The following DNAH6 variants were observed in gnomAD, a reference collection of about 807,000 sequenced individuals.
The protein encoded by DNAH6 is dynein axonemal heavy chain 6.
Under a neutral mutation model 491.4 loss-of-function variants are expected in DNAH6, and 340 were observed. The ratio of observed to expected loss-of-function variants is 0.69; its 90% CI spans 0.63 to 0.76. DNAH6 has a LOEUF of 0.76. DNAH6 is among the 30% of genes least tolerant of loss of function. DNAH6 has a pLI of 0.00. For missense variants in DNAH6, 4,443 were observed against 4,972.2 expected, an observed-to-expected ratio of 0.89 and a Z score of 3.20; for synonymous variants, 1,603 against 1,686.1, an observed-to-expected ratio of 0.95 and a Z score of 1.21.
chr2:84,609,098 A>C (rs1020567686), intron 21 of DNAH6, among the ~76,000 whole-genome samples: 1 of 152,162 alleles, frequency 6.6e-6, no homozygotes, highest in Non-Finnish European at 1.5e-5. Flanking sequence ...TTTAAAATTG[A>C]AAAGAGTTAG....
chr2:84,753,088 C>T (rs1256252555), intron 63 of DNAH6, among the ~76,000 whole-genome samples: 2 of 152,146 alleles, frequency 1.3e-5, no homozygotes, highest in East Asian at 3.8e-4. Context: ...TTATTATAGC[C>T]ATCCTAGTGG....
chr2:84,554,698 C>G (rs74883954), intron 10 of DNAH6, among the ~76,000 whole-genome samples: 4 of 152,340 alleles, frequency 2.6e-5, no homozygotes, highest in Non-Finnish European at 5.9e-5. Context: ...TTTACAATGA[C>G]AAGCAGACTA....
At chr2:84,792,508 C>T (rs566010047) in intron 68 of DNAH6, among the ~76,000 whole-genome samples, 12 of 152,186 alleles carry the variant, frequency 7.9e-5, no homozygotes, top group Admixed American at 7.2e-4. Flanking sequence ...AGGTTGTATA[C>T]ATTAATTATG....
At chr2:84,463,920 G>A in the DNAH6 span, among the ~76,000 whole-genome samples, 3 of 152,248 alleles carry the variant, frequency 2.0e-5, no homozygotes, top group East Asian at 3.9e-4. Flanking sequence ...CTGCCTATTC[G>A]ATAAATTTTG....
chr2:84,591,073 G>A (rs2104126301), intron 16 of DNAH6, among the ~76,000 whole-genome samples: 1 of 152,276 alleles, frequency 6.6e-6, no homozygotes, highest in South Asian at 2.1e-4. Context: ...CCTGGACAGG[G>A]GAAGATTTGA....
chr2:84,729,532 A>T (rs181671277), intron 61 of DNAH6, among the ~76,000 whole-genome samples: 1 of 152,318 alleles, frequency 6.6e-6, no homozygotes, highest in Admixed American at 6.5e-5. Context: ...TTCCAAAATC[A>T]CAATAATGCA....
At chr2:84,737,746 T>C (rs934170287) in intron 62 of DNAH6, among the ~76,000 whole-genome samples, 4 of 152,050 alleles carry the variant, frequency 2.6e-5, no homozygotes, top group Non-Finnish European at 5.9e-5. Flanking sequence ...TAGCTTATGG[T>C]CTATCAATCT....
intron 34 of DNAH6, among the ~76,000 whole-genome samples, chr2:84,654,380 A>G (rs1357171052): frequency 6.6e-6 from 1 of 152,130 alleles, no homozygotes; most frequent in Non-Finnish European, 1.5e-5. Flanking sequence ...ACAGGAGAAA[A>G]GAGAAAAGCA....
chr2:84,770,824 AAT>A (rs200326557), intron 64 of DNAH6, among the ~76,000 whole-genome samples: 2 of 145,906 alleles, frequency 1.4e-5, no homozygotes, highest in Non-Finnish European at 1.5e-5. Context: ...CTCTACAAAA[AAT>A]AATAATAATA....
chr2:84,775,510 G>A (rs1321460007), intron 64 of DNAH6, among the ~76,000 whole-genome samples: 1 of 152,130 alleles, frequency 6.6e-6, no homozygotes, highest in Admixed American at 6.5e-5. Context: ...GTATCAGGAT[G>A]ATGCTGACTT....
Position 84,537,747 on chromosome 2 carries a change from G to C in DNAH6, c.663-6486G>C, listed in dbSNP as rs78412079. On this transcript the variant is annotated intron_variant, in intron 4 of 76. Transcript: ENST00000389394. ...AAGTTCTCTCCCTAGTAGATGGTAGGTGTTTTTCATATCTACGTAACCCTT... is the reference window on the plus strand; with the variant it reads ...AAGTTCTCTCCCTAGTAGATGGTAGCTGTTTTTCATATCTACGTAACCCTT... Among the ~76,000 whole-genome samples the C allele has an allele frequency of 2.0e-3, 309 of 152,124 alleles. 4 individuals are homozygous for C. The East Asian group carries it at 0.044, about 22-fold the overall frequency.
At chr2:84,708,824 T>G (rs1452540845) in intron 54 of DNAH6, among the ~76,000 whole-genome samples, 1 of 152,196 alleles carries the variant, frequency 6.6e-6, no homozygotes, top group African/African-American at 2.4e-5. Flanking sequence ...ATATAGACTC[T>G]CCAGGAGCTC....
At chr2:84,810,777 G>A (rs538293965) in intron 72 of DNAH6, among the ~76,000 whole-genome samples, 64 of 152,300 alleles carry the variant, frequency 4.2e-4, no homozygotes, top group Non-Finnish European at 7.9e-4. Flanking sequence ...GGAGTGACAA[G>A]GCCACCCTGT....
At chr2:84,524,424 G>T (rs1284164823) in intron 2 of DNAH6, among the ~76,000 whole-genome samples, 16 of 151,498 alleles carry the variant, frequency 1.1e-4, no homozygotes, top group African/African-American at 3.4e-4. Flanking sequence ...AGGTTATTTA[G>T]CCCATTTACA....
At position 84,550,000 on chromosome 2, in the gene DNAH6, A is replaced by G. The variant is rs2104552651; in HGVS notation, c.1428A>G (p.Ser476=). ...CTGACAAGCTAAAACGAACACCTTCAGCAGATGTCATTCAGAAATGGATTA... is the reference window on the plus strand; with the variant it reads ...CTGACAAGCTAAAACGAACACCTTCGGCAGATGTCATTCAGAAATGGATTA... ...HLTDKLKRTP[S]ADVIQKWITE... Residue 476 remains serine, a synonymous_variant, in exon 9 of 77, where the codon TCA becomes TCG. Coordinates refer to ENST00000389394, the MANE Select transcript of DNAH6 (RefSeq NM_001370.2). 1 of 1,614,080 alleles carries G rather than the reference A, an allele frequency of 6.2e-7. No homozygotes were observed. The highest frequency in any genetic ancestry group is 8.5e-7 in the Non-Finnish European group (1 of 1,179,960).
intron 46 of DNAH6, among the ~76,000 whole-genome samples, chr2:84,696,725 T>C (rs2104804398): frequency 6.6e-6 from 1 of 152,208 alleles, no homozygotes; most frequent in African/African-American, 2.4e-5. Flanking sequence ...CTCAAACTTT[T>C]ATATAACTAA....
chr2:84,550,145 T>A, intron 9 of DNAH6, 88 bp downstream of exon 9: 2 of 1,100,536 alleles, frequency 1.8e-6, no homozygotes, highest in Non-Finnish European at 2.5e-6. Context: ...CTATTTTCTG[T>A]GCACTAAAAA....
At chr2:84,573,340 C>T (rs1206575203) in intron 11 of DNAH6, 127 bp from the exon 12 acceptor site, 4 of 676,096 alleles carry the variant, frequency 5.9e-6, no homozygotes, top group Non-Finnish European at 7.1e-6. Flanking sequence ...ATTCATGTTT[C>T]CCAAATCAAA....
the DNAH6 span, among the ~76,000 whole-genome samples, chr2:84,474,362 G>A: frequency 6.6e-6 from 1 of 152,056 alleles, no homozygotes; most frequent in Admixed American, 6.5e-5. Flanking sequence ...CTGTTTCAGT[G>A]GCCATTGCTC....
Sources: allele counts gnomAD v4.1 joint callset (sites outside exome capture counted in the v4.1 genomes callset), GRCh38; gene constraint gnomAD v4.1.1; transcripts MANE v1.5; gene names NCBI Gene and HGNC (gene_info 2026-07-23, HGNC 2026-07-21).